Variants in AADAC observed in about 807,000 individuals in gnomAD.
The protein encoded by AADAC is arylacetamide deacetylase (esterase).
A neutral mutation model predicts 22.7 loss-of-function variants in AADAC; 17 were observed. The observed-to-expected ratio is 0.75, with a 90% CI of 0.51 to 1.12. AADAC has a LOEUF of 1.12. Among genes scored for constraint, AADAC ranks in the 50% most tolerant of loss-of-function variants. The probability of loss-of-function intolerance (pLI) is 0.00; values close to 1 mark genes in which losing one functional copy is unlikely to be tolerated. For synonymous variants in AADAC, 167 were observed against 176.3 expected, an observed-to-expected ratio of 0.95 and a Z score of 0.42; for missense variants, 465 against 473.9, an observed-to-expected ratio of 0.98 and a Z score of 0.17.
rs763718169 is a variant in AADAC at position 151,814,156 on chromosome 3, G to A, written c.-7G>A. On this transcript the variant is annotated 5_prime_UTR_variant, in exon 1 of 5. Coordinates refer to ENST00000232892, the MANE Select transcript of AADAC (RefSeq NM_001086.3). The stretch of plus-strand genomic sequence containing the variant: ...GTTTCTAGAGACCAAGAAGCGGGAC[G>A]TTCACCATGGGAAGAAAATCGCTGT... 2.3e-5 allele frequency: 37 copies of A among 1,613,168 alleles called. No homozygotes were observed. In the East Asian group the frequency reaches 5.3e-4, roughly 23 times the overall value.
chr3:151,818,134 G>A (rs1188671448), intron 2 of AADAC, among the ~76,000 whole-genome samples: 1 of 151,378 alleles, frequency 6.6e-6, no homozygotes, highest in Non-Finnish European at 1.5e-5. Context: ...CCAGCTACTC[G>A]GGGGGCTGAG....
Position 151,828,158 on chromosome 3 carries a change from A to C in AADAC, c.1186A>C (p.Lys396Gln), listed in dbSNP as rs1453071107. Residue 396 changes from lysine (K) to glutamine (Q), a missense_variant, in exon 5 of 5, where the codon AAG (lysine) becomes CAG (glutamine). Transcript: ENST00000232892. ...RLINQYIEWLKENL is the reference protein window; with the variant it reads ...RLINQYIEWLQENL Reference sequence around the variant, plus strand: ...TATAAATCAGTATATTGAGTGGCTAAAGGAAAATCTATAGTAAAACATGTA... The same window carrying C: ...TATAAATCAGTATATTGAGTGGCTACAGGAAAATCTATAGTAAAACATGTA... 1.3e-6 allele frequency: 2 copies of C among 1,539,646 alleles called. No individual in the cohort carries two copies. Among genetic ancestry groups the C allele is most frequent in the Non-Finnish European group, 1.8e-6 (2 of 1,135,090 alleles).
chr3:151,822,099 A>G (rs1489059220), intron 3 of AADAC, among the ~76,000 whole-genome samples: 2 of 151,960 alleles, frequency 1.3e-5, no homozygotes, highest in Non-Finnish European at 2.9e-5. Context: ...TAGTCATTAG[A>G]GAAATGCAAA....
Position 151,823,284 on chromosome 3 carries a change from A to C in AADAC, c.432-1379A>C, listed in dbSNP as rs1400689814. Among the ~76,000 whole-genome samples, 401 of 149,702 alleles carry C rather than the reference A, an allele frequency of 2.7e-3. 4 individuals are homozygous for C. The highest frequency in any genetic ancestry group is 0.024 in the Middle Eastern group (7 of 294). On this transcript the variant is annotated intron_variant, in intron 3 of 4. Coordinates refer to ENST00000232892, the MANE Select transcript of AADAC (RefSeq NM_001086.3). ...CAGAACTAGACTCTGTCTCCCCGCA[A>C]AAAAAAAAAATTAAGAAATTATGTT...
intron 4 of AADAC, among the ~76,000 whole-genome samples, chr3:151,826,647 T>G (rs1431312899): frequency 6.6e-6 from 1 of 152,012 alleles, no homozygotes; most frequent in African/African-American, 2.4e-5. Flanking sequence ...TTTTCACAAT[T>G]TAAAACATAT....
chr3:151,814,333 A>G (rs1715889267), intron 1 of AADAC, 33 bp downstream of exon 1: 1 of 1,577,428 alleles, frequency 6.3e-7, no homozygotes, highest in African/African-American at 1.4e-5. Flanking sequence ...TCAGATGTGC[A>G]TACACCACCA....
At chr3:151,814,933 A>G (rs557973543) in intron 1 of AADAC, among the ~76,000 whole-genome samples, 3 of 152,066 alleles carry the variant, frequency 2.0e-5, no homozygotes, top group Admixed American at 6.6e-5. Flanking sequence ...TGGTTATTTT[A>G]TTATCTTCAT....
chr3:151,816,170 G>C (rs1204594006), intron 1 of AADAC, among the ~76,000 whole-genome samples: 2 of 151,950 alleles, frequency 1.3e-5, no homozygotes, highest in Non-Finnish European at 2.9e-5. Flanking sequence ...CAGGCAAGCT[G>C]CCCTCCCTTT....
intron 2 of AADAC, among the ~76,000 whole-genome samples, chr3:151,818,061 A>G (rs543839798): frequency 6.6e-6 from 1 of 152,052 alleles, no homozygotes; most frequent in Admixed American, 6.5e-5. Context: ...CAACATGGTG[A>G]AACCCTGTAT....
intron 4 of AADAC, among the ~76,000 whole-genome samples, chr3:151,827,064 G>A (rs1023870528): frequency 1.1e-4 from 16 of 151,744 alleles, no homozygotes; most frequent in African/African-American, 2.7e-4. Context: ...ACAGGTGTGC[G>A]TTACCATACC....
intron 2 of AADAC, 89 bp downstream of exon 2, chr3:151,817,677 T>G (rs2108026937): frequency 9.1e-7 from 1 of 1,100,288 alleles, no homozygotes; most frequent in Non-Finnish European, 1.3e-6. Flanking sequence ...CCCTTCGGCA[T>G]GGACATTACT....
rs567731026 is a variant in AADAC, at chr3:151,819,448, A to T, written c.362-935A>T. Among the ~76,000 whole-genome samples the T allele has an allele frequency of 3.3e-5, 5 of 152,136 alleles. No homozygotes were observed. In the East Asian group the frequency reaches 9.6e-4, roughly 29 times the overall value. On this transcript the variant is annotated intron_variant, in intron 2 of 4. Transcript: ENST00000232892. ...GAGAAACACATTACAGCAAGCAAAAAGTGAGAGGGAAGAAAATAAAATGGT... is the reference window on the plus strand; with the variant it reads ...GAGAAACACATTACAGCAAGCAAAATGTGAGAGGGAAGAAAATAAAATGGT...
chr3:151,819,148 G>A (rs965036264), intron 2 of AADAC, among the ~76,000 whole-genome samples: 1 of 151,918 alleles, frequency 6.6e-6, no homozygotes, highest in African/African-American at 2.4e-5. Flanking sequence ...ATTTCTGACA[G>A]GATGACTGGG....
chr3:151,822,038 A>T (rs1035681880), intron 3 of AADAC, among the ~76,000 whole-genome samples: 4 of 151,972 alleles, frequency 2.6e-5, no homozygotes, highest in Non-Finnish European at 5.9e-5. Context: ...AATTTTGGTT[A>T]TATTTAAATT....
intron 1 of AADAC, among the ~76,000 whole-genome samples, chr3:151,814,820 G>C (rs534847573): frequency 6.6e-6 from 1 of 152,174 alleles, no homozygotes; most frequent in East Asian, 1.9e-4. Flanking sequence ...ATGAGAGGGG[G>C]AGGGAGACCT....
chr3:151,814,207 AG>A lies in AADAC; in HGVS notation c.46del (p.Ala16HisfsTer18), dbSNP rs753133295. On this transcript the variant is annotated frameshift_variant, in exon 1 of 5. Transcript: ENST00000232892. LOFTEE classifies it high-confidence loss of function. ...ACCTTCTGATTGTGGGGATCCTCAT[AG>A]CATATTATATTTATACGCCTCTCCC... is the stretch of plus-strand genomic sequence containing the variant. The part of the protein sequence containing the change: ...LYLLIVGILI[A>X]YYIYTPLPDN... 9.9e-6 allele frequency: 16 copies of A among 1,613,210 alleles called. 1 individual carries two copies. The highest frequency in any genetic ancestry group is 5.0e-5 in the Admixed American group (3 of 59,944).
At position 151,828,192 on chromosome 3, in the gene AADAC, A is replaced by AT. The variant is rs1716591140; in HGVS notation, c.*21dup. 6 of 1,376,040 alleles carry AT rather than the reference A, an allele frequency of 4.4e-6. No individual in the cohort carries two copies. Among genetic ancestry groups the AT allele is most frequent in the Non-Finnish European group, 5.8e-6 (6 of 1,036,044 alleles). The allele number at this position is 1,376,040 out of a possible 1,614,324, so 85.2% of individuals were successfully genotyped here. A position where few individuals can be genotyped will look rare whatever the true frequency, so the allele number is the denominator to read the frequency against. On this transcript the variant is annotated 3_prime_UTR_variant, in exon 5 of 5. Transcript: ENST00000232892. ...CTATAGTAAAACATGTAGCTATAACATATTTTAAAAATAAAATCTGAAAAC... is the reference window on the plus strand; with the variant it reads ...CTATAGTAAAACATGTAGCTATAACATTATTTTAAAAATAAAATCTGAAAAC...
intron 1 of AADAC, among the ~76,000 whole-genome samples, chr3:151,815,067 T>C (rs986731084): frequency 4.6e-5 from 7 of 151,910 alleles, no homozygotes; most frequent in African/African-American, 1.7e-4. Context: ...AAGTAGTCTA[T>C]CCCCACACAG....
Position 151,824,734 on chromosome 3 carries a change from T to TA in AADAC, c.504dup (p.Arg169ThrfsTer2). 9 of 1,609,110 alleles carry TA rather than the reference T, an allele frequency of 5.6e-6. 1 individual carries two copies. Among genetic ancestry groups the TA allele is most frequent in the Non-Finnish European group, 7.6e-6 (9 of 1,177,370 alleles). On this transcript the variant is annotated frameshift_variant, in exon 4 of 5. Coordinates refer to ENST00000232892, the MANE Select transcript of AADAC (RefSeq NM_001086.3). LOFTEE classifies it high-confidence loss of function. Reference sequence around the variant, plus strand: ...GTATATAATGCCTTAAGGTGGTTCTTACGTAAAAAAGTTCTTGCAAAATAT... The same window carrying TA: ...GTATATAATGCCTTAAGGTGGTTCTTAACGTAAAAAAGTTCTTGCAAAATAT...
Sources: gnomAD v4.1 joint callset for allele counts (sites outside exome capture counted in the v4.1 genomes callset) on GRCh38, gnomAD v4.1.1 for gene constraint, MANE v1.5 for transcripts, NCBI Gene and HGNC (gene_info 2026-07-23, HGNC 2026-07-21) for gene names.